Variants in IGF1 observed in about 807,000 individuals in gnomAD.
IGF1 encodes insulin-like growth factor 1.
A neutral mutation model predicts 13.8 loss-of-function variants in IGF1; 4 were observed. That is an observed-to-expected ratio of 0.29 (90% CI 0.14 to 0.66). The LOEUF (loss-of-function observed/expected upper bound fraction) is 0.66. Ranked by LOEUF, IGF1 falls within the 30% of genes least tolerant of loss-of-function variation. IGF1 has a pLI of 0.78. For synonymous variants in IGF1, 76 were observed against 72.6 expected (o/e 1.05, Z -0.23); for missense variants, 124 against 188.5 (o/e 0.66, Z 2.00).
intron 2 of IGF1, among the ~76,000 whole-genome samples, chr12:102,441,353 T>G (rs1189095127): frequency 6.6e-6 from 1 of 152,254 alleles, no homozygotes; most frequent in East Asian, 1.9e-4. Flanking sequence ...TATTGCATCA[T>G]GTCTTTCACT....
At chr12:102,413,567 A>G (rs1204393143) in intron 3 of IGF1, among the ~76,000 whole-genome samples, 2 of 152,170 alleles carry the variant, frequency 1.3e-5, no homozygotes, top group Non-Finnish European at 2.9e-5. Flanking sequence ...AGATGTTTGA[A>G]AAAAGATCAA....
chr12:102,445,638 T>C (rs1270794739), intron 2 of IGF1, among the ~76,000 whole-genome samples: 2 of 152,250 alleles, frequency 1.3e-5, no homozygotes, highest in African/African-American at 4.8e-5. Flanking sequence ...GATTTGGGGC[T>C]GAGATGATGG....
intron 2 of IGF1, among the ~76,000 whole-genome samples, chr12:102,475,201 C>T (rs1215244369): frequency 9.9e-5 from 15 of 151,804 alleles, no homozygotes; most frequent in East Asian, 1.9e-4. Context: ...TATTTTTTTT[C>T]CCAGATCCAC....
intron 2 of IGF1, among the ~76,000 whole-genome samples, chr12:102,421,324 C>A (rs1592755364): frequency 1.3e-5 from 2 of 152,090 alleles, no homozygotes; most frequent in South Asian, 2.1e-4. Context: ...CATGTCTCAG[C>A]GGGTCCCCTG....
At position 102,478,553 on chromosome 12, in the gene IGF1, C is replaced by T. The variant is rs1225289614; in HGVS notation, c.63+1766G>A. 7.5e-6 allele frequency: 12 copies of T among 1,602,910 alleles called. No individual in the cohort carries two copies. In the East Asian group the frequency reaches 1.6e-4, roughly 21 times the overall value. ...CAGGTCAGGGTGGGTATTATGAGGC[C>T]GATGTGAATAGAAAACTGAAGTCTT... On this transcript the variant is annotated intron_variant, in intron 1 of 3. Coordinates refer to ENST00000337514, the MANE Select transcript of IGF1 (RefSeq NM_000618.5).
chr12:102,451,375 C>T (rs747701153), intron 2 of IGF1, among the ~76,000 whole-genome samples: 3 of 152,136 alleles, frequency 2.0e-5, no homozygotes, highest in South Asian at 2.1e-4. Context: ...CATTTGTTTA[C>T]GCAGAGTAAG....
At chr12:102,408,766 T>G (rs1274745201) in intron 3 of IGF1, among the ~76,000 whole-genome samples, 1 of 152,174 alleles carries the variant, frequency 6.6e-6, no homozygotes, top group Non-Finnish European at 1.5e-5. Flanking sequence ...TGCCCAACTT[T>G]GGCTCAAAAA....
intron 2 of IGF1, among the ~76,000 whole-genome samples, chr12:102,444,362 C>T (rs763078967): frequency 2.6e-5 from 4 of 151,506 alleles, no homozygotes; most frequent in Admixed American, 6.6e-5. Flanking sequence ...TTGGGATTAA[C>T]GGTAATGATG....
intron 3 of IGF1, among the ~76,000 whole-genome samples, chr12:102,404,750 G>T (rs866341061): frequency 0.023 from 2,671 of 114,776 alleles, 44 homozygotes; most frequent in Admixed American, 0.031. Flanking sequence ...CTTGTGTTTT[G>T]TTTTTTTTTG....
chr12:102,464,486 G>A lies in IGF1; in HGVS notation c.220+11157C>T, dbSNP rs549223850. 1.3e-4 allele frequency among the ~76,000 whole-genome samples: 19 copies of A among 148,444 alleles called. No homozygotes were observed. The East Asian group carries it at 3.5e-3, about 28-fold the overall frequency. ...ACTAGATGCTGTGAAAAACAGGAGGGGGGAAAACCCTTAAAACTTAGTCTG... is the reference window on the plus strand; with the variant it reads ...ACTAGATGCTGTGAAAAACAGGAGGAGGGAAAACCCTTAAAACTTAGTCTG... On this transcript the variant is annotated intron_variant, in intron 2 of 3. Transcript: ENST00000337514.
chr12:102,441,957 T>TCTTC (rs71438463), intron 2 of IGF1, among the ~76,000 whole-genome samples: 26 of 134,704 alleles, frequency 1.9e-4, no homozygotes, highest in African/African-American at 3.5e-4. Context: ...TTCTTCTTCT[T>TCTTC]TTTTTTTTTT....
intron 2 of IGF1, among the ~76,000 whole-genome samples, chr12:102,446,375 C>G (rs1878328797): frequency 1.3e-5 from 2 of 152,034 alleles, no homozygotes; most frequent in African/African-American, 4.8e-5. Flanking sequence ...GGTTGGTAGG[C>G]TATTAATTAC....
chr12:102,449,634 C>A (rs1296825804), intron 2 of IGF1, among the ~76,000 whole-genome samples: 1 of 146,908 alleles, frequency 6.8e-6, no homozygotes, highest in Admixed American at 6.7e-5. Context: ...ATCCCGCCCC[C>A]CAACTAGAGG....
intron 3 of IGF1, among the ~76,000 whole-genome samples, chr12:102,414,708 G>A (rs1874936197): frequency 1.3e-5 from 2 of 152,188 alleles, no homozygotes; most frequent in South Asian, 4.1e-4. Flanking sequence ...ACAGGCATGA[G>A]CCACTGTGCC....
chr12:102,404,779 A>G (rs1160844881), intron 3 of IGF1, among the ~76,000 whole-genome samples: 5 of 139,418 alleles, frequency 3.6e-5, no homozygotes, highest in Non-Finnish European at 7.6e-5. Flanking sequence ...TTTTTTTGAG[A>G]TGGAGTCTCG....
Position 102,396,769 on chromosome 12 carries a change from A to G in IGF1, c.*5738T>C. On this transcript the variant is annotated 3_prime_UTR_variant, in exon 4 of 4. Transcript: ENST00000337514. ...ACTCATATTTCAGTTGAGCAGTAAC[A>G]TTTGGTTTTGTGTCCTCTCTTTTTT... The G allele has an allele frequency of 7.6e-6, 3 of 396,592 alleles. No individual in the cohort carries two copies. The highest frequency in any genetic ancestry group is 8.9e-6 in the Non-Finnish European group (2 of 225,080). The allele number at this position is 396,592 out of a possible 1,614,324, so 24.6% of individuals were successfully genotyped here.
chr12:102,400,065 T>G lies in IGF1; in HGVS notation c.*2442A>C, dbSNP rs1415469991. On this transcript the variant is annotated 3_prime_UTR_variant, in exon 4 of 4. Coordinates refer to ENST00000337514, the MANE Select transcript of IGF1 (RefSeq NM_000618.5). Reference sequence around the variant, plus strand: ...ACTGAGAGTTAAAATACTTGTTGACTGAACAGGATTGCTGGCTCCACTAAA... The same window carrying G: ...ACTGAGAGTTAAAATACTTGTTGACGGAACAGGATTGCTGGCTCCACTAAA... 6.6e-5 allele frequency: 10 copies of G among 151,784 alleles called. No individual in the cohort carries two copies. Among genetic ancestry groups the G allele is most frequent in the African/African-American group, 2.4e-4 (10 of 41,364 alleles). 9.4% of individuals were successfully genotyped at this position (151,784 alleles called of 1,614,324 possible).
intron 2 of IGF1, among the ~76,000 whole-genome samples, chr12:102,451,562 G>T (rs889050264): frequency 2.6e-5 from 4 of 152,176 alleles, no homozygotes; most frequent in African/African-American, 9.6e-5. Flanking sequence ...AAAAGAAGAT[G>T]GGAGATCGAT....
intron 1 of IGF1, among the ~76,000 whole-genome samples, chr12:102,476,974 A>G (rs1197787028): frequency 6.6e-6 from 1 of 152,206 alleles, no homozygotes; most frequent in Non-Finnish European, 1.5e-5. Flanking sequence ...AGATGCATCT[A>G]CTTTCAGCAT....
Sources: gnomAD v4.1 joint callset for allele counts (sites outside exome capture counted in the v4.1 genomes callset) on GRCh38, gnomAD v4.1.1 for gene constraint, MANE v1.5 for transcripts, NCBI Gene and HGNC (gene_info 2026-07-23, HGNC 2026-07-21) for gene names.